Variants in PAPOLG observed in about 807,000 individuals in gnomAD.
PAPOLG encodes poly(A) polymerase gamma.
In PAPOLG, 40 loss-of-function variants were observed where a neutral mutation model predicts 99.0. The observed-to-expected ratio is 0.40, with a 90% CI of 0.31 to 0.53. The LOEUF (loss-of-function observed/expected upper bound fraction) is 0.53, where lower values mean the gene tolerates loss of function less well. Ranked by LOEUF, PAPOLG falls within the 20% of genes least tolerant of loss-of-function variation. The pLI, the probability that PAPOLG is intolerant of heterozygous loss-of-function variation, is 0.41. For missense variants in PAPOLG, 675 were observed against 884.1 expected (o/e 0.76, Z 3.00); for synonymous variants, 310 against 299.3 (o/e 1.04, Z -0.37).
Position 60,761,720 on chromosome 2 carries a change from C to G in PAPOLG, c.180-21C>G, listed in dbSNP as rs183092371. ...TGTTCATTTGTTTGTTTGTTTTAAT[C>G]TGAAGCATTTTTTTTTATAGGCTGG... On this transcript the variant is annotated intron_variant, in intron 2 of 21. Transcript: ENST00000238714. The G allele has an allele frequency of 2.4e-4, 387 of 1,582,392 alleles. 1 individual carries two copies. The highest frequency in any genetic ancestry group is 3.0e-4 in the Non-Finnish European group (342 of 1,155,080).
At chr2:60,792,589 G>C (rs560089026) in intron 17 of PAPOLG, among the ~76,000 whole-genome samples, 3 of 152,132 alleles carry the variant, frequency 2.0e-5, no homozygotes, top group Non-Finnish European at 4.4e-5. Flanking sequence ...AAATGTTAAA[G>C]TACAGGCCTG....
At chr2:60,770,325 A>G (rs1385138668) in intron 5 of PAPOLG, 133 bp from the exon 6 acceptor site, 1 of 621,580 alleles carries the variant, frequency 1.6e-6, no homozygotes, top group Non-Finnish European at 2.5e-6. Flanking sequence ...TGGTAGTTAG[A>G]AAGGATAAAG....
chr2:60,791,907 A>G (rs766749656), intron 16 of PAPOLG, 25 bp downstream of exon 16: 2 of 1,604,894 alleles, frequency 1.2e-6, no homozygotes, highest in East Asian at 2.2e-5. Flanking sequence ...TTAACCCTTC[A>G]GTATGGTTTT....
At position 60,782,817 on chromosome 2, in the gene PAPOLG, AAAG is replaced by A. The variant is rs762759811; in HGVS notation, c.1112+53_1112+55del. 1.3e-5 allele frequency: 18 copies of A among 1,416,326 alleles called. No individual in the cohort carries two copies. In the East Asian group the frequency reaches 3.8e-4, roughly 30 times the overall value. The allele number at this position is 1,416,326 out of a possible 1,614,324, so 87.7% of individuals were successfully genotyped here. A position where few individuals can be genotyped will look rare whatever the true frequency, so the allele number is the denominator to read the frequency against. On this transcript the variant is annotated intron_variant, in intron 12 of 21. Coordinates refer to ENST00000238714, the MANE Select transcript of PAPOLG (RefSeq NM_022894.4). ...GTATGTATGTGATTTTTTTTTTTTT[AAAG>A]AAGAATGTTAAACATAGTTAATATA...
chr2:60,775,304 C>T (rs1223717778), intron 8 of PAPOLG, among the ~76,000 whole-genome samples, 181 bp downstream of exon 8: 1 of 152,178 alleles, frequency 6.6e-6, no homozygotes. Flanking sequence ...AAGTAGTATA[C>T]CTCTTCCTCC....
chr2:60,791,865 C>T lies in PAPOLG; in HGVS notation c.1501C>T (p.Leu501Phe). Residue 501 changes from leucine to phenylalanine, a missense_variant, in exon 16 of 22, where the codon CTT (leucine) becomes TTT (phenylalanine). Coordinates refer to ENST00000238714, the MANE Select transcript of PAPOLG (RefSeq NM_022894.4). ...TCACCACTACCTTCCTGCAGAAATT[C>T]TTCAAAAGAAGAAAAAGGTGAGTTT... ...QLHHYLPAEI[L>F]QKKKKQSLSD... 1 of 1,611,706 alleles carries T rather than the reference C, an allele frequency of 6.2e-7. No individual in the cohort carries two copies. The highest frequency in any genetic ancestry group is 8.5e-7 in the Non-Finnish European group (1 of 1,179,474).
In PAPOLG at chr2:60,779,794, A is replaced by G; in HGVS notation, c.833+19A>G. 1.9e-6 allele frequency: 3 copies of G among 1,594,076 alleles called. No homozygotes were observed. The highest frequency in any genetic ancestry group is 2.6e-6 in the Non-Finnish European group (3 of 1,163,264). On this transcript the variant is annotated intron_variant, in intron 9 of 21. Transcript: ENST00000238714. ...CCAAGTGGTAAGTATTTACGTGTGT[A>G]CTTTGACTGTTTACTAATCTCTACC...
intron 17 of PAPOLG, 80 bp from the exon 18 acceptor site, chr2:60,793,547 G>T: frequency 6.6e-7 from 1 of 1,517,488 alleles, no homozygotes. Context: ...TTGGGCAGTA[G>T]AATGAGGCCT....
Position 60,801,095 on chromosome 2 carries a change from A to C in PAPOLG, c.*3935A>C, listed in dbSNP as rs576213436. On this transcript the variant is annotated 3_prime_UTR_variant, in exon 22 of 22. Coordinates refer to ENST00000238714, the MANE Select transcript of PAPOLG (RefSeq NM_022894.4). ...CAACCCAATATTATCACAGTACAAT[A>C]GCTTAGAATGATCATTAGAAATGGT... The C allele has an allele frequency of 6.6e-6, 1 of 152,474 alleles. No individual in the cohort carries two copies. Among genetic ancestry groups the C allele is most frequent in the East Asian group, 1.9e-4 (1 of 5,328 alleles). 9.4% of individuals were successfully genotyped at this position (152,474 alleles called of 1,614,324 possible).
Position 60,793,658 on chromosome 2 carries a change from G to A in PAPOLG, c.1711G>A (p.Glu571Lys). 1 of 1,613,828 alleles carries A rather than the reference G, an allele frequency of 6.2e-7. No individual in the cohort carries two copies. Among genetic ancestry groups the A allele is most frequent in the South Asian group, 1.1e-5 (1 of 91,016 alleles). Residue 571 changes from glutamate (E) to lysine (K), a missense_variant, in exon 18 of 22, where the codon GAG (glutamate) becomes AAG (lysine). Physicochemically the swap from Glu to Lys is moderately conservative, Grantham distance 56. Coordinates refer to ENST00000238714, the MANE Select transcript of PAPOLG (RefSeq NM_022894.4). ...TGCTGAGCCTGCTGCTGTAATTGTGGAGAAGCCACTGAGTGTACCACCAGC... is the reference window on the plus strand; with the variant it reads ...TGCTGAGCCTGCTGCTGTAATTGTGAAGAAGCCACTGAGTGTACCACCAGC... ...NSAEPAAVIVEKPLSVPPAQG... is the reference protein window; with the variant it reads ...NSAEPAAVIVKKPLSVPPAQG...
chr2:60,768,979 C>T, intron 5 of PAPOLG, 89 bp downstream of exon 5: 2 of 974,068 alleles, frequency 2.1e-6, no homozygotes, highest in African/African-American at 3.3e-5. Flanking sequence ...GAAATACCTT[C>T]TAAGTTACTA....
In PAPOLG at chr2:60,792,263, T is replaced by C; in HGVS notation, c.1653T>C (p.Asp551=). The C allele has an allele frequency of 1.2e-6, 2 of 1,607,548 alleles. No homozygotes were observed. Among genetic ancestry groups the C allele is most frequent in the Non-Finnish European group, 1.7e-6 (2 of 1,178,530 alleles). ...TTAATTCTCCAGCGTCCAAGTCTGATAGCCCTTCTGTAGGAGAAACAGAAA... is the reference window on the plus strand; with the variant it reads ...TTAATTCTCCAGCGTCCAAGTCTGACAGCCCTTCTGTAGGAGAAACAGAAA... The part of the protein sequence containing the change: ...TPFNSPASKS[D]SPSVGETERN... The change falls in exon 17 of 22, where the codon GAT becomes GAC. Residue 551 remains aspartate (D), a synonymous_variant. Coordinates refer to ENST00000238714, the MANE Select transcript of PAPOLG (RefSeq NM_022894.4).
At chr2:60,783,014 G>T in intron 12 of PAPOLG, 142 bp from the exon 13 acceptor site, 1 of 905,514 alleles carries the variant, frequency 1.1e-6, no homozygotes, top group Admixed American at 3.8e-5. Flanking sequence ...GTGAAAATCA[G>T]AGCACATTTA....
chr2:60,762,413 C>G (rs1670545950), intron 3 of PAPOLG, among the ~76,000 whole-genome samples: 1 of 152,034 alleles, frequency 6.6e-6, no homozygotes, highest in South Asian at 2.1e-4. Context: ...CCCTTGGTAT[C>G]CTCCGGGGGA....
intron 6 of PAPOLG, among the ~76,000 whole-genome samples, chr2:60,770,907 G>A (rs1207882856): frequency 6.6e-6 from 1 of 152,166 alleles, no homozygotes; most frequent in Non-Finnish European, 1.5e-5. Flanking sequence ...ACAGGCATGA[G>A]CCACCGCGCC....
At chr2:60,787,166 A>G in intron 14 of PAPOLG, 100 bp downstream of exon 14, 7 of 1,032,180 alleles carry the variant, frequency 6.8e-6, no homozygotes, top group Non-Finnish European at 9.7e-6. Flanking sequence ...ACAGGCATTG[A>G]TGGGAGTATG....
At chr2:60,771,333 T>G (rs944788619) in intron 6 of PAPOLG, 186 bp from the exon 7 acceptor site, 3 of 257,020 alleles carry the variant, frequency 1.2e-5, no homozygotes, top group Non-Finnish European at 1.8e-5. Context: ...AATTGAAAGT[T>G]TAATTACCTT....
intron 2 of PAPOLG, 116 bp from the exon 3 acceptor site, chr2:60,761,625 T>C: frequency 1.2e-6 from 1 of 828,724 alleles, no homozygotes; most frequent in Middle Eastern, 3.6e-4. Context: ...CATTATCACA[T>C]ATATGTTATG....
intron 21 of PAPOLG, among the ~76,000 whole-genome samples, chr2:60,796,755 GTTC>G (rs1039805856): frequency 2.0e-5 from 3 of 151,286 alleles, no homozygotes; most frequent in African/African-American, 7.3e-5. Context: ...TAAGGACTGT[GTTC>G]TTTATGCATT....
Sources: gnomAD v4.1 joint callset for allele counts (sites outside exome capture counted in the v4.1 genomes callset) on GRCh38, gnomAD v4.1.1 for gene constraint, MANE v1.5 for transcripts, NCBI Gene and HGNC (gene_info 2026-07-23, HGNC 2026-07-21) for gene names.